The following MERTK variants were observed in gnomAD, a reference collection of about 807,000 sequenced individuals.
MERTK encodes the protein MER proto-oncogene, tyrosine kinase.
Under a neutral mutation model 99.3 loss-of-function variants are expected in MERTK, and 69 were observed. The ratio of observed to expected loss-of-function variants is 0.70; its 90% CI spans 0.57 to 0.85. MERTK has a LOEUF of 0.85. Ranked by LOEUF, MERTK falls within the 40% of genes least tolerant of loss-of-function variation. MERTK has a pLI of 0.00. For missense variants in MERTK, 1,125 were observed against 1,249.4 expected, an observed-to-expected ratio of 0.90 and a Z score of 1.50; for synonymous variants, 426 against 467.6, an observed-to-expected ratio of 0.91 and a Z score of 1.15.
chr2:111,926,598 G>A lies in MERTK; in HGVS notation c.62-2522G>A, dbSNP rs1252795613. Among the ~76,000 whole-genome samples, 17 of 151,078 alleles carry A rather than the reference G, an allele frequency of 1.1e-4. 1 individual carries two copies. Among genetic ancestry groups the A allele is most frequent in the Admixed American group, 7.3e-4 (11 of 15,144 alleles). ...ACAGATTAGCCGGGCATGGTGGCGC[G>A]CACCTGTAGTCCCAGCTACTCAGGA... is the stretch of plus-strand genomic sequence containing the variant. On this transcript the variant is annotated intron_variant, in intron 1 of 18. Coordinates refer to ENST00000295408, the MANE Select transcript of MERTK (RefSeq NM_006343.3).
chr2:111,904,136 C>T (rs944994038), intron 1 of MERTK, among the ~76,000 whole-genome samples: 2 of 152,232 alleles, frequency 1.3e-5, no homozygotes, highest in African/African-American at 2.4e-5. Context: ...CAGGGCCCGC[C>T]CTGACTGCCA....
intron 1 of MERTK, among the ~76,000 whole-genome samples, chr2:111,915,059 A>G (rs1013850439): frequency 2.6e-5 from 4 of 152,140 alleles, no homozygotes; most frequent in Admixed American, 6.5e-5. Flanking sequence ...TATGAATTCA[A>G]TTTCCTTAAT....
rs775153333 is a variant in MERTK, at chr2:111,975,338, C to T, written c.1010C>T (p.Thr337Ile). 11 of 1,614,194 alleles carry T rather than the reference C, an allele frequency of 6.8e-6. No individual in the cohort carries two copies. The highest frequency in any genetic ancestry group is 5.1e-6 in the Non-Finnish European group (6 of 1,180,034). Residue 337 changes from threonine (T) to isoleucine (I), a missense_variant, in exon 7 of 19, where the codon ACC becomes ATC. Physicochemically the swap from Thr to Ile is moderately conservative, Grantham distance 89. Coordinates refer to ENST00000295408, the MANE Select transcript of MERTK (RefSeq NM_006343.3). ...AATGGCTCAGTCATGATTTTTAACA[C>T]CTCTGCCTTACCACATCTGTACCAA... ...LSNGSVMIFN[T>I]SALPHLYQIK...
intron 15 of MERTK, among the ~76,000 whole-genome samples, chr2:112,014,795 C>T (rs918607572): frequency 6.6e-6 from 1 of 151,874 alleles, no homozygotes; most frequent in Non-Finnish European, 1.5e-5. Context: ...GCCACCACGC[C>T]TGGCTAATTT....
At chr2:111,931,747 C>G (rs1242983605) in intron 2 of MERTK, among the ~76,000 whole-genome samples, 2 of 151,958 alleles carry the variant, frequency 1.3e-5, no homozygotes, top group African/African-American at 4.8e-5. Flanking sequence ...GAACAGCAAG[C>G]TGGCACATTG....
chr2:111,982,274 C>T (rs1264017469), intron 7 of MERTK, among the ~76,000 whole-genome samples: 1 of 152,076 alleles, frequency 6.6e-6, no homozygotes, highest in African/African-American at 2.4e-5. Flanking sequence ...CCAGGCTGGT[C>T]TCAAACTCCT....
intron 6 of MERTK, among the ~76,000 whole-genome samples, chr2:111,968,734 G>A (rs1175647403): frequency 6.6e-6 from 1 of 152,102 alleles, no homozygotes; most frequent in Non-Finnish European, 1.5e-5. Flanking sequence ...TCTCCATGTT[G>A]GTCAGGCTGG....
intron 4 of MERTK, among the ~76,000 whole-genome samples, chr2:111,950,011 T>C (rs563490029): frequency 1.9e-3 from 289 of 152,200 alleles, no homozygotes; most frequent in South Asian, 0.019. Flanking sequence ...AATCTTGGCT[T>C]ACTGCAAGCT....
At chr2:111,925,767 A>G (rs1191265045) in intron 1 of MERTK, among the ~76,000 whole-genome samples, 6 of 151,924 alleles carry the variant, frequency 3.9e-5, no homozygotes, top group Non-Finnish European at 8.8e-5. Context: ...TATACCCCAA[A>G]TTGTAATCAG....
chr2:111,994,290 G>T lies in MERTK; in HGVS notation c.1336G>T (p.Ala446Ser). The change falls in exon 9 of 19, where the codon GCT (alanine) becomes TCT (serine). Residue 446 changes from alanine to serine, a missense_variant. Transcript: ENST00000295408. ...GGAAGTTGGCCAGAATGGCAGCCGA[G>T]CTCGGATCTCTGTTCAAGTCCACAA... ...LEEVGQNGSR[A>S]RISVQVHNAT... 6.2e-7 allele frequency: 1 copy of T among 1,614,154 alleles called. No individual in the cohort carries two copies. Among genetic ancestry groups the T allele is most frequent in the South Asian group, 1.1e-5 (1 of 91,080 alleles).
At position 111,920,392 on chromosome 2, in the gene MERTK, C is replaced by T. The variant is rs11677343; in HGVS notation, c.62-8728C>T. On this transcript the variant is annotated intron_variant, in intron 1 of 18. Coordinates refer to ENST00000295408, the MANE Select transcript of MERTK (RefSeq NM_006343.3). ...CAGCACTGACTCAGAGCCAGCCACC[C>T]GCTTTCTCTTGCAGGGCTTTGCTAC... Among the ~76,000 whole-genome samples, 644 of 152,228 alleles carry T rather than the reference C, an allele frequency of 4.2e-3. 3 individuals carry two copies. Among genetic ancestry groups the T allele is most frequent in the Middle Eastern group, 0.01 (3 of 294 alleles).
intron 1 of MERTK, among the ~76,000 whole-genome samples, chr2:111,911,689 CTTTTTTTTTTTT>C (rs34867670): frequency 1.4e-4 from 8 of 57,698 alleles, no homozygotes; most frequent in African/African-American, 6.3e-4. Context: ...AGCGCCCAGC[CTTTTTTTTTTTT>C]TTTTTTTTTT....
At position 111,975,471 on chromosome 2, in the gene MERTK, A is replaced by C. The variant is rs776542197; in HGVS notation, c.1143A>C (p.Gly381=). ...GGATTCTAGCCAGCACGACTGAAGG[A>C]GGTAATTCCTGGGGTTCAGAATGTA... is the stretch of plus-strand genomic sequence containing the variant. The part of the protein sequence containing the change: ...SPWILASTTE[G]APSVAPLNVT... The change falls in exon 7 of 19, where the codon GGA becomes GGC. Residue 381 remains glycine, a splice_region_variant and synonymous_variant. Transcript: ENST00000295408. 6.2e-6 allele frequency: 10 copies of C among 1,613,924 alleles called. No homozygotes were observed. Among genetic ancestry groups the C allele is most frequent in the Admixed American group, 3.3e-5 (2 of 60,008 alleles).
intron 2 of MERTK, chr2:111,930,477 A>C (rs72823493): frequency 0.021 from 3,192 of 150,308 alleles, 58 homozygotes; most frequent in Middle Eastern, 0.068. Context: ...AAAAAAAAAA[A>C]CCCCCAAAAA....
At chr2:111,912,443 A>G (rs1303474456) in intron 1 of MERTK, among the ~76,000 whole-genome samples, 1 of 152,134 alleles carries the variant, frequency 6.6e-6, no homozygotes, top group African/African-American at 2.4e-5. Flanking sequence ...GTGGAGTCTG[A>G]TGAGTTTTAA....
chr2:111,912,591 C>A (rs1684271561), intron 1 of MERTK, among the ~76,000 whole-genome samples: 2 of 152,118 alleles, frequency 1.3e-5, no homozygotes, highest in African/African-American at 4.8e-5. Flanking sequence ...TTATATGTTG[C>A]CAGTCCTGCA....
rs199779970 is a variant in MERTK at position 111,965,224 on chromosome 2, C to A, written c.791C>A (p.Ala264Asp). Reference protein sequence around the residue: ...LTEMAVFSCEAHNDKGLTVSK... With the variant: ...LTEMAVFSCEDHNDKGLTVSK... ...GAGATGGCGGTCTTCAGTTGTGAGG[C>A]CCACAATGACAAAGGGCTGACCGTG... Residue 264 changes from alanine (A) to aspartate (D), a missense_variant, in exon 5 of 19, where the codon GCC becomes GAC. By Grantham distance (126) the Ala-to-Asp change is moderately radical. Transcript: ENST00000295408. 2 of 1,614,180 alleles carry A rather than the reference C, an allele frequency of 1.2e-6. No individual in the cohort carries two copies. The highest frequency in any genetic ancestry group is 1.7e-6 in the Non-Finnish European group (2 of 1,180,030).
At position 112,029,347 on chromosome 2, in the gene MERTK, T is replaced by A. The variant is rs962001238; in HGVS notation, c.*483T>A. On this transcript the variant is annotated 3_prime_UTR_variant, in exon 19 of 19. Transcript: ENST00000295408. ...TGATTAATTTTCTGATATGGCTTCC[T>A]AATAAAATATGAATAAGGAAGGATA... 2.6e-5 allele frequency: 24 copies of A among 938,498 alleles called. No homozygotes were observed. The highest frequency in any genetic ancestry group is 3.1e-5 in the Non-Finnish European group (24 of 786,282). 58.1% of individuals were successfully genotyped at this position (938,498 alleles called of 1,614,324 possible). A position where few individuals can be genotyped will look rare whatever the true frequency, so the allele number is the denominator to read the frequency against.
At chr2:111,991,517 C>T (rs1448634097) in intron 8 of MERTK, among the ~76,000 whole-genome samples, 2 of 151,866 alleles carry the variant, frequency 1.3e-5, no homozygotes, top group African/African-American at 2.4e-5. Flanking sequence ...TGAGCCACCT[C>T]GCCCAGCCCA....
Sources: allele counts gnomAD v4.1 joint callset (sites outside exome capture counted in the v4.1 genomes callset), GRCh38; gene constraint gnomAD v4.1.1; transcripts MANE v1.5; gene names NCBI Gene and HGNC (gene_info 2026-07-23, HGNC 2026-07-21).